FSTL4: variants seen among roughly 807,000 people sequenced by gnomAD.
FSTL4 encodes follistatin-related protein 4.
Under a neutral mutation model 78.2 loss-of-function variants are expected in FSTL4, and 28 were observed. That is an observed-to-expected ratio of 0.36 (90% CI 0.27 to 0.49). The LOEUF (loss-of-function observed/expected upper bound fraction) is 0.49, where lower values mean the gene tolerates loss of function less well. Among genes scored for constraint, FSTL4 ranks in the 20% least tolerant of loss-of-function variants. The pLI is 0.98. For missense variants in FSTL4, 922 were observed against 1,084.9 expected (o/e 0.85, Z 2.11); for synonymous variants, 422 against 440.5 (o/e 0.96, Z 0.53).
At chr5:133,671,425 AG>A in the FSTL4 span, among the ~76,000 whole-genome samples, 2 of 54,938 alleles carry the variant, frequency 3.6e-5, no homozygotes, top group Admixed American at 2.2e-4. Context: ...CTTATTTTGT[AG>A]GTAAAACTAA....
chr5:133,487,566 A>G (rs370102221), intron 3 of FSTL4, among the ~76,000 whole-genome samples: 9 of 152,112 alleles, frequency 5.9e-5, no homozygotes, highest in African/African-American at 1.9e-4. Context: ...GCTGTACCCC[A>G]TAGGGTTGTT....
chr5:133,541,986 A>G (rs2112919912), intron 3 of FSTL4, among the ~76,000 whole-genome samples: 1 of 151,372 alleles, frequency 6.6e-6, no homozygotes, highest in East Asian at 1.9e-4. Context: ...TGATACTTCC[A>G]ACTCCCATCT....
chr5:133,646,842 C>T, the FSTL4 span, among the ~76,000 whole-genome samples: 1 of 152,038 alleles, frequency 6.6e-6, no homozygotes, highest in African/African-American at 2.4e-5. Context: ...GAAATGTCCC[C>T]ACAATCCCTT....
At chr5:133,591,297 A>G (rs405965) in intron 2 of FSTL4, among the ~76,000 whole-genome samples, 21,034 of 152,156 alleles carry the variant, frequency 0.14, 2,289 homozygotes, top group African/African-American at 0.31. Context: ...AGGCAGGCAA[A>G]CAAAGCAGGG....
chr5:133,824,143 G>T, the FSTL4 span, among the ~76,000 whole-genome samples: 2 of 152,176 alleles, frequency 1.3e-5, no homozygotes, highest in South Asian at 4.1e-4. Flanking sequence ...GACACCAGCT[G>T]GGTGTCCTCT....
chr5:133,288,398 C>T (rs1389969844), intron 6 of FSTL4, among the ~76,000 whole-genome samples: 1 of 152,226 alleles, frequency 6.6e-6, no homozygotes, highest in East Asian at 1.9e-4. Flanking sequence ...TGCTGCCTGC[C>T]CCTCCCAGGC....
At chr5:133,808,361 C>T in the FSTL4 span, among the ~76,000 whole-genome samples, 6 of 152,276 alleles carry the variant, frequency 3.9e-5, no homozygotes, top group Middle Eastern at 6.8e-3. Context: ...GGAGCGAAGC[C>T]ATGTTGTTCA....
At chr5:133,346,024 A>T (rs1452348420) in intron 4 of FSTL4, among the ~76,000 whole-genome samples, 2 of 152,268 alleles carry the variant, frequency 1.3e-5, no homozygotes, top group African/African-American at 4.8e-5. Context: ...TGGATAAAGG[A>T]AATGTGGCAC....
chr5:133,788,382 T>C, the FSTL4 span, among the ~76,000 whole-genome samples: 1 of 152,212 alleles, frequency 6.6e-6, no homozygotes, highest in Non-Finnish European at 1.5e-5. Flanking sequence ...ACGGGACCAC[T>C]GTAATAGTAG....
chr5:133,376,582 A>G (rs1266028495), intron 4 of FSTL4, among the ~76,000 whole-genome samples: 1 of 152,218 alleles, frequency 6.6e-6, no homozygotes, highest in Non-Finnish European at 1.5e-5. Flanking sequence ...CGGTTAAAGT[A>G]TCTGGAAATT....
chr5:133,293,163 T>C (rs1331427671), intron 6 of FSTL4, among the ~76,000 whole-genome samples: 1 of 152,218 alleles, frequency 6.6e-6, no homozygotes, highest in Non-Finnish European at 1.5e-5. Context: ...CAGGCGGCCA[T>C]CTTGGCCCTG....
intron 3 of FSTL4, among the ~76,000 whole-genome samples, chr5:133,465,429 A>G (rs188199888): frequency 3.3e-5 from 5 of 152,288 alleles, no homozygotes; most frequent in Admixed American, 6.5e-5. Flanking sequence ...TTTCCCCCCA[A>G]ATAGAGAATA....
rs370044969 is a variant in FSTL4, at chr5:133,305,973, G to A, written c.727+6681C>T. ...CCTCAGCCTACGGTAGCTTCAGGGCGGACCTGCTGGCCTTCCCACGGTGGT... is the reference window on the plus strand; with the variant it reads ...CCTCAGCCTACGGTAGCTTCAGGGCAGACCTGCTGGCCTTCCCACGGTGGT... On this transcript the variant is annotated intron_variant, in intron 6 of 15. Coordinates refer to ENST00000265342, the MANE Select transcript of FSTL4 (RefSeq NM_015082.2). Among the ~76,000 whole-genome samples, 22 of 152,268 alleles carry A rather than the reference G, an allele frequency of 1.4e-4. No individual in the cohort carries two copies. In the East Asian group the frequency reaches 3.7e-3, roughly 25 times the overall value.
At chr5:133,836,643 T>C in the FSTL4 span, among the ~76,000 whole-genome samples, 1 of 151,990 alleles carries the variant, frequency 6.6e-6, no homozygotes, top group East Asian at 1.9e-4. Context: ...GATGTTCCTT[T>C]TTTTTTTTAG....
intron 6 of FSTL4, among the ~76,000 whole-genome samples, chr5:133,299,821 C>A (rs115746911): frequency 0.01 from 1,549 of 152,162 alleles, 29 homozygotes; most frequent in African/African-American, 0.036. Flanking sequence ...GAGGGTGAGA[C>A]CCAGGAAAAA....
At chr5:133,323,690 G>C (rs1027083611) in intron 4 of FSTL4, among the ~76,000 whole-genome samples, 1 of 152,206 alleles carries the variant, frequency 6.6e-6, no homozygotes, top group East Asian at 1.9e-4. Context: ...GCCAGCCCCT[G>C]GCCCTGGCCT....
the FSTL4 span, among the ~76,000 whole-genome samples, chr5:133,646,347 A>G: frequency 1.3e-5 from 2 of 152,202 alleles, no homozygotes; most frequent in East Asian, 3.8e-4. Context: ...CAAGAAACTC[A>G]AAGAAGTCTA....
the FSTL4 span, among the ~76,000 whole-genome samples, chr5:133,720,059 T>C: frequency 6.6e-6 from 1 of 152,188 alleles, no homozygotes; most frequent in Non-Finnish European, 1.5e-5. Flanking sequence ...ACCATAGAAT[T>C]GGAGATAGGT....
chr5:133,238,936 T>C (rs1188618681), intron 7 of FSTL4, among the ~76,000 whole-genome samples: 1 of 152,198 alleles, frequency 6.6e-6, no homozygotes, highest in East Asian at 1.9e-4. Context: ...TGGGAGCCCC[T>C]TTCTGGGCTG....
Sources: gnomAD v4.1 joint callset for allele counts (sites outside exome capture counted in the v4.1 genomes callset) on GRCh38, gnomAD v4.1.1 for gene constraint, MANE v1.5 for transcripts, NCBI Gene and HGNC (gene_info 2026-07-23, HGNC 2026-07-21) for gene names.